Variants in GNAQ observed in about 807,000 individuals in gnomAD.
The protein encoded by GNAQ is G protein subunit alpha q, also known as guanine nucleotide-binding protein G(q) subunit alpha.
GNAQ carries 8 observed loss-of-function variants against 43.9 expected under a neutral mutation model. The observed-to-expected ratio is 0.18, with a 90% CI of 0.11 to 0.33. The LOEUF is 0.33. Ranked by LOEUF, GNAQ falls within the 10% of genes least tolerant of loss-of-function variation. The pLI, the probability that GNAQ is intolerant of heterozygous loss-of-function variation, is 1.00. For missense variants in GNAQ, 158 were observed against 450.8 expected (o/e 0.35, Z 5.88); for synonymous variants, 155 against 170.7 (o/e 0.91, Z 0.71).
At chr9:77,927,176 A>G (rs1829082546) in intron 1 of GNAQ, among the ~76,000 whole-genome samples, 1 of 152,116 alleles carries the variant, frequency 6.6e-6, no homozygotes, top group Non-Finnish European at 1.5e-5. Flanking sequence ...ATCTGTATTT[A>G]CTCTATGTGT....
chr9:77,999,818 G>A (rs945253767), intron 1 of GNAQ, among the ~76,000 whole-genome samples: 2 of 152,094 alleles, frequency 1.3e-5, no homozygotes, highest in African/African-American at 4.8e-5. Flanking sequence ...ACCAAATATG[G>A]AAAACTGGAG....
intron 1 of GNAQ, among the ~76,000 whole-genome samples, chr9:77,923,435 A>T (rs1829026849): frequency 6.6e-6 from 1 of 152,154 alleles, no homozygotes; most frequent in South Asian, 2.1e-4. Flanking sequence ...TAACAGAGCT[A>T]TATATGTCCC....
At chr9:77,826,832 T>C (rs1304898105) in intron 2 of GNAQ, among the ~76,000 whole-genome samples, 1 of 152,214 alleles carries the variant, frequency 6.6e-6, no homozygotes, top group African/African-American at 2.4e-5. Context: ...AATCCTTGGT[T>C]TGTACTTCAG....
At chr9:77,911,103 T>C (rs1828794566) in intron 2 of GNAQ, among the ~76,000 whole-genome samples, 1 of 152,166 alleles carries the variant, frequency 6.6e-6, no homozygotes, top group African/African-American at 2.4e-5. Context: ...TTTAAACGAT[T>C]TGGATTAGCT....
chr9:77,754,411 T>C (rs1452759553), intron 5 of GNAQ, among the ~76,000 whole-genome samples: 1 of 152,190 alleles, frequency 6.6e-6, no homozygotes, highest in African/African-American at 2.4e-5. Context: ...GTAGGTGTTT[T>C]ATATGTATTA....
chr9:77,765,805 C>T (rs1482180261), intron 5 of GNAQ, among the ~76,000 whole-genome samples: 3 of 152,158 alleles, frequency 2.0e-5, no homozygotes, highest in African/African-American at 4.8e-5. Flanking sequence ...GCACAATTCA[C>T]GACAGCCAAA....
At chr9:77,967,968 G>A (rs999357352) in intron 1 of GNAQ, among the ~76,000 whole-genome samples, 1 of 152,004 alleles carries the variant, frequency 6.6e-6, no homozygotes, top group Non-Finnish European at 1.5e-5. Context: ...CAACAAGAAT[G>A]AAACTCCATC....
At chr9:77,864,989 T>C (rs1827924566) in intron 2 of GNAQ, among the ~76,000 whole-genome samples, 1 of 152,194 alleles carries the variant, frequency 6.6e-6, no homozygotes, top group Admixed American at 6.5e-5. Flanking sequence ...TACCTTATCA[T>C]TTGGCTTTTT....
intron 5 of GNAQ, among the ~76,000 whole-genome samples, chr9:77,735,445 T>A (rs1564094770): frequency 6.6e-6 from 1 of 152,334 alleles, no homozygotes; most frequent in East Asian, 1.9e-4. Context: ...CTCATTTGTC[T>A]GTGTCTACTG....
intron 1 of GNAQ, among the ~76,000 whole-genome samples, chr9:78,029,464 G>C (rs1436989893): frequency 7.0e-6 from 1 of 142,892 alleles, no homozygotes; most frequent in Non-Finnish European, 1.6e-5. Context: ...CTCAAAATGA[G>C]AATTAAAAAA....
chr9:77,938,692 C>T (rs1348024967), intron 1 of GNAQ, among the ~76,000 whole-genome samples: 2 of 152,136 alleles, frequency 1.3e-5, no homozygotes, highest in African/African-American at 4.8e-5. Context: ...ATGGGAGCAC[C>T]TTTAGCACTA....
chr9:77,936,302 CTTGG>C (rs1829231075), intron 1 of GNAQ, among the ~76,000 whole-genome samples: 1 of 152,166 alleles, frequency 6.6e-6, no homozygotes, highest in South Asian at 2.1e-4. Context: ...TGGATTAGTT[CTTGG>C]TTTAGGCCTC....
chr9:77,746,488 G>A (rs1267679809), intron 5 of GNAQ, among the ~76,000 whole-genome samples: 7 of 152,128 alleles, frequency 4.6e-5, no homozygotes, highest in Non-Finnish European at 7.3e-5. Context: ...TATGTTGACC[G>A]TGTTTTGAAA....
chr9:78,005,560 A>C lies in GNAQ; in HGVS notation c.136+25540T>G, dbSNP rs904828058. Among the ~76,000 whole-genome samples, 5 of 152,236 alleles carry C rather than the reference A, an allele frequency of 3.3e-5. No homozygotes were observed. In the South Asian group the frequency reaches 1.0e-3, roughly 31 times the overall value. On this transcript the variant is annotated intron_variant, in intron 1 of 6. Coordinates refer to ENST00000286548, the MANE Select transcript of GNAQ (RefSeq NM_002072.5). ...TGTCTTACTCACAGTAGTTACCAAA[A>C]CATATCACGGAAGAAGCAAAATAAT... is the stretch of plus-strand genomic sequence containing the variant.
chr9:78,007,497 T>C (rs748050790), intron 1 of GNAQ, among the ~76,000 whole-genome samples: 11 of 152,020 alleles, frequency 7.2e-5, no homozygotes, highest in Non-Finnish European at 1.5e-4. Flanking sequence ...GTTCTAAAAA[T>C]TTATATGCAA....
intron 5 of GNAQ, among the ~76,000 whole-genome samples, chr9:77,775,822 C>T (rs1363647917): frequency 3.3e-5 from 5 of 152,002 alleles, no homozygotes; most frequent in East Asian, 1.9e-4. Context: ...ATACTTGGGG[C>T]GCTGAGGCAC....
chr9:77,895,605 C>A (rs1564144016), intron 2 of GNAQ, among the ~76,000 whole-genome samples: 1 of 152,116 alleles, frequency 6.6e-6, no homozygotes, highest in Non-Finnish European at 1.5e-5. Flanking sequence ...GCTCTTGATA[C>A]CCTCTGTTCC....
intron 5 of GNAQ, among the ~76,000 whole-genome samples, chr9:77,756,728 CCTGA>C (rs769759655): frequency 3.7e-4 from 57 of 152,160 alleles, no homozygotes; most frequent in Non-Finnish European, 8.1e-4. Flanking sequence ...TGAGTTGTCC[CCTGA>C]CTAATACACT....
chr9:77,904,501 T>A (rs1192538659), intron 2 of GNAQ, among the ~76,000 whole-genome samples: 1 of 151,714 alleles, frequency 6.6e-6, no homozygotes, highest in East Asian at 1.9e-4. Flanking sequence ...CCTGGCTACT[T>A]TTTTATATTT....
Sources: gnomAD v4.1 joint callset for allele counts (sites outside exome capture counted in the v4.1 genomes callset) on GRCh38, gnomAD v4.1.1 for gene constraint, MANE v1.5 for transcripts, NCBI Gene and HGNC (gene_info 2026-07-23, HGNC 2026-07-21) for gene names.